The following RRP1B variants were observed in gnomAD, a reference collection of about 807,000 sequenced individuals.
RRP1B encodes ribosomal RNA processing 1B.
A neutral mutation model predicts 80.2 loss-of-function variants in RRP1B; 56 were observed. The ratio of observed to expected loss-of-function variants is 0.70; its 90% CI spans 0.56 to 0.87. The LOEUF (loss-of-function observed/expected upper bound fraction) is 0.87. Ranked by LOEUF, RRP1B falls within the 40% of genes least tolerant of loss-of-function variation. RRP1B has a pLI of 0.00. For synonymous variants in RRP1B, 351 were observed against 357.6 expected (o/e 0.98, Z 0.21); for missense variants, 807 against 939.8 (o/e 0.86, Z 1.85).
intron 1 of RRP1B, among the ~76,000 whole-genome samples, chr21:43,664,327 CAAAAAAAA>C (rs11351123): frequency 4.8e-5 from 5 of 103,366 alleles, no homozygotes; most frequent in Non-Finnish European, 8.1e-5. Flanking sequence ...AACTCCGTCT[CAAAAAAAA>C]AAAAAAAAAG....
At chr21:43,687,365 G>T in intron 12 of RRP1B, 151 bp from the exon 13 acceptor site, 1 of 820,804 alleles carries the variant, frequency 1.2e-6, no homozygotes, top group Non-Finnish European at 1.8e-6. Context: ...CAAAGGTAGT[G>T]GGCGCACCAA....
intron 14 of RRP1B, among the ~76,000 whole-genome samples, chr21:43,690,902 C>T (rs1374624803): frequency 1.3e-5 from 2 of 152,134 alleles, no homozygotes; most frequent in African/African-American, 4.8e-5. Flanking sequence ...GCAGATAGCT[C>T]AGAGTCCTTG....
Position 43,682,302 on chromosome 21 carries a change from A to G in RRP1B, c.797-977A>G, listed in dbSNP as rs530371553. ...ACGTTCCCTCCCAGTTGCGTTCATG[A>G]AACGTGTGCTGCGCCTGCCCCATCC... On this transcript the variant is annotated intron_variant, in intron 8 of 15. Coordinates refer to ENST00000340648, the MANE Select transcript of RRP1B (RefSeq NM_015056.3). Among the ~76,000 whole-genome samples, 148 of 152,228 alleles carry G rather than the reference A, an allele frequency of 9.7e-4. 2 individuals are homozygous for G. Among genetic ancestry groups the G allele is most frequent in the African/African-American group, 3.4e-3 (140 of 41,550 alleles).
intron 1 of RRP1B, among the ~76,000 whole-genome samples, chr21:43,669,115 C>T (rs1305084930): frequency 6.6e-6 from 1 of 152,074 alleles, no homozygotes; most frequent in African/African-American, 2.4e-5. Context: ...CAAAGCCAAC[C>T]TGGTGATGCC....
intron 13 of RRP1B, among the ~76,000 whole-genome samples, chr21:43,689,553 C>T (rs1180904706): frequency 6.6e-6 from 1 of 152,210 alleles, no homozygotes; most frequent in African/African-American, 2.4e-5. Context: ...GTACCCTCAG[C>T]GCTGCTCCCT....
chr21:43,670,813 C>A (rs1268376336), intron 2 of RRP1B, among the ~76,000 whole-genome samples: 4 of 152,174 alleles, frequency 2.6e-5, no homozygotes, highest in African/African-American at 9.7e-5. Flanking sequence ...TTGAGAAGTG[C>A]TTGCAAGTCT....
At position 43,687,726 on chromosome 21, in the gene RRP1B, C is replaced by G; in HGVS notation, c.1352C>G (p.Thr451Arg). ...ARVAEPGAEA[T>R]SSTGEESGSE... The stretch of plus-strand genomic sequence containing the variant: ...GTGGCCGAGCCAGGTGCAGAGGCCA[C>G]GTCCAGCACTGGGGAGGAGAGTGGC... Residue 451 changes from threonine to arginine, a missense_variant, in exon 13 of 16, where the codon ACG becomes AGG. Thr to Arg is a moderately conservative substitution (Grantham distance 71). Coordinates refer to ENST00000340648, the MANE Select transcript of RRP1B (RefSeq NM_015056.3). The G allele has an allele frequency of 6.2e-7, 1 of 1,612,970 alleles. No individual in the cohort carries two copies. Among genetic ancestry groups the G allele is most frequent in the Non-Finnish European group, 8.5e-7 (1 of 1,179,804 alleles).
Position 43,683,326 on chromosome 21 carries a change from G to C in RRP1B, c.844G>C (p.Gly282Arg). 1 of 1,614,196 alleles carries C rather than the reference G, an allele frequency of 6.2e-7. No homozygotes were observed. The highest frequency in any genetic ancestry group is 8.5e-7 in the Non-Finnish European group (1 of 1,180,022). Residue 282 changes from glycine (G) to arginine (R), a missense_variant, in exon 9 of 16, where the codon GGA becomes CGA. Gly to Arg is a moderately radical substitution (Grantham distance 125, BLOSUM62 -2). Transcript: ENST00000340648. The stretch of plus-strand genomic sequence containing the variant: ...AAAAGATGGACTCAGTGATGAAAGA[G>C]GAAGAGATGACTGTGGAACCTTTGA... ...SRKDGLSDER[G>R]RDDCGTFEDT...
chr21:43,681,717 T>C lies in RRP1B; in HGVS notation c.797-1562T>C, dbSNP rs150576340. On this transcript the variant is annotated intron_variant, in intron 8 of 15. Transcript: ENST00000340648. ...CTGTAATCCCATCACTTTGGGAGCCTGAGGTGGGAGGATCACTTGAGCCTA... is the reference window on the plus strand; with the variant it reads ...CTGTAATCCCATCACTTTGGGAGCCCGAGGTGGGAGGATCACTTGAGCCTA... Among the ~76,000 whole-genome samples the C allele has an allele frequency of 4.5e-3, 685 of 152,300 alleles. 2 individuals carry two copies. Among genetic ancestry groups the C allele is most frequent in the Non-Finnish European group, 7.8e-3 (529 of 68,006 alleles).
Position 43,693,421 on chromosome 21 carries a change from C to T in RRP1B, c.*38C>T, listed in dbSNP as rs1453734337. 1 of 1,474,828 alleles carries T rather than the reference C, an allele frequency of 6.8e-7. No individual in the cohort carries two copies. Among genetic ancestry groups the T allele is most frequent in the South Asian group, 1.3e-5 (1 of 76,506 alleles). 91.4% of individuals were successfully genotyped at this position (1,474,828 alleles called of 1,614,324 possible). On this transcript the variant is annotated 3_prime_UTR_variant, in exon 16 of 16. Coordinates refer to ENST00000340648, the MANE Select transcript of RRP1B (RefSeq NM_015056.3). This position sits in a 1 kb window ranked among gnomAD's most constrained non-coding sequence, Gnocchi z 4.1. ...TCCCTTGTAAAAGACTGCTTTTGTA[C>T]AGAATGCGCTATAAATTATACCTTT...
intron 9 of RRP1B, among the ~76,000 whole-genome samples, chr21:43,683,737 T>C (rs899495529): frequency 1.5e-4 from 23 of 151,986 alleles, no homozygotes; most frequent in Admixed American, 1.4e-3. Flanking sequence ...CCCAGCACTT[T>C]GGGAGGCCCA....
chr21:43,688,712 T>C (rs1460595690), intron 13 of RRP1B, among the ~76,000 whole-genome samples: 1 of 152,166 alleles, frequency 6.6e-6, no homozygotes, highest in African/African-American at 2.4e-5. Context: ...CTCAAGAAAC[T>C]TCACTAGCAG....
At chr21:43,670,748 A>C (rs2082996319) in intron 2 of RRP1B, among the ~76,000 whole-genome samples, 1 of 151,970 alleles carries the variant, frequency 6.6e-6, no homozygotes, top group African/African-American at 2.4e-5. Context: ...CAGTTCTTCC[A>C]GTGTGACCCA....
intron 13 of RRP1B, 110 bp from the exon 14 acceptor site, chr21:43,690,178 G>A (rs1025927120): frequency 1.6e-5 from 21 of 1,296,966 alleles, no homozygotes; most frequent in African/African-American, 3.0e-5. Flanking sequence ...GCGGGCCGTC[G>A]GGTGGGCTGG....
At chr21:43,676,610 C>A in intron 7 of RRP1B, 123 bp from the exon 8 acceptor site, 1 of 901,724 alleles carries the variant, frequency 1.1e-6, no homozygotes, top group Non-Finnish European at 1.7e-6. Context: ...CAGATGCTTG[C>A]TGGCCCGTGG....
chr21:43,673,745 G>A, intron 3 of RRP1B, 125 bp from the exon 4 acceptor site: 1 of 591,860 alleles, frequency 1.7e-6, no homozygotes, highest in Non-Finnish European at 3.0e-6. Flanking sequence ...TTTTCTAGCT[G>A]CCCAAGAATT....
In RRP1B at chr21:43,685,900, C is replaced by T. The variant is rs139480427; in HGVS notation, c.1009+111C>T. On this transcript the variant is annotated intron_variant, in intron 11 of 15. Transcript: ENST00000340648. Reference sequence around the variant, plus strand: ...AAGATTGAAAGAACTTTACTGAAAACCTCTGATAAGAAATAATAGTCCCTA... The same window carrying T: ...AAGATTGAAAGAACTTTACTGAAAATCTCTGATAAGAAATAATAGTCCCTA... 2,372 of 1,374,108 alleles carry T rather than the reference C, an allele frequency of 1.7e-3. 81 individuals carry two copies. The Admixed American group carries it at 0.05, about 29-fold the overall frequency. The allele number at this position is 1,374,108 out of a possible 1,614,324, so 85.1% of individuals were successfully genotyped here.
chr21:43,664,332 A>G (rs972076161), intron 1 of RRP1B, among the ~76,000 whole-genome samples: 1 of 151,628 alleles, frequency 6.6e-6, no homozygotes, highest in African/African-American at 2.4e-5. Context: ...CGTCTCAAAA[A>G]AAAAAAAAAA....
At position 43,676,790 on chromosome 21, in the gene RRP1B, T is replaced by A. The variant is rs112656401; in HGVS notation, c.672T>A (p.Ser224=). Residue 224 remains serine (S), a synonymous_variant, in exon 8 of 16, where the codon TCT becomes TCA. Coordinates refer to ENST00000340648, the MANE Select transcript of RRP1B (RefSeq NM_015056.3). ...RGVFEAIVDQ[S]PFVPEETMEE... is the part of the protein sequence containing the mutation. The stretch of plus-strand genomic sequence containing the variant: ...TCTTCGAAGCTATCGTAGATCAGTC[T>A]CCTTTTGTGCCTGAAGAGACGATGG... 6 of 1,614,136 alleles carry A rather than the reference T, an allele frequency of 3.7e-6. No homozygotes were observed. The highest frequency in any genetic ancestry group is 4.2e-6 in the Non-Finnish European group (5 of 1,180,052).
Sources: allele counts gnomAD v4.1 joint callset (sites outside exome capture counted in the v4.1 genomes callset), GRCh38; gene constraint gnomAD v4.1.1; non-coding constraint Gnocchi (gnomAD v3.1); transcripts MANE v1.5; gene names NCBI Gene and HGNC (gene_info 2026-07-23, HGNC 2026-07-21).